The following NXN variants were observed in gnomAD, a reference collection of about 807,000 sequenced individuals.
The protein encoded by NXN is nucleoredoxin, also known as nucleoredoxin 1.
A neutral mutation model predicts 48.6 loss-of-function variants in NXN; 16 were observed. The observed-to-expected ratio is 0.33, with a 90% CI of 0.22 to 0.50. The LOEUF (loss-of-function observed/expected upper bound fraction) is 0.50, where lower values mean the gene tolerates loss of function less well. NXN is among the 20% of genes least tolerant of loss of function. The probability of loss-of-function intolerance (pLI) is 0.98; values close to 1 mark genes in which losing one functional copy is unlikely to be tolerated. For missense variants in NXN, 492 were observed against 605.5 expected, an observed-to-expected ratio of 0.81 and a Z score of 1.97; for synonymous variants, 281 against 269.6, an observed-to-expected ratio of 1.04 and a Z score of -0.41.
chr17:939,308 G>C (rs2068943038), intron 1 of NXN, among the ~76,000 whole-genome samples: 1 of 150,574 alleles, frequency 6.6e-6, no homozygotes. Context: ...TAGACAGATA[G>C]ATACAGCAAA....
intron 5 of NXN, among the ~76,000 whole-genome samples, chr17:812,835 T>C (rs919465338): frequency 1.3e-5 from 2 of 150,304 alleles, no homozygotes; most frequent in African/African-American, 2.5e-5. Flanking sequence ...TGTGCATGTG[T>C]GAGTGTAGGT....
intron 1 of NXN, among the ~76,000 whole-genome samples, chr17:874,775 G>C (rs1367220254): frequency 1.3e-5 from 2 of 152,054 alleles, no homozygotes; most frequent in Non-Finnish European, 2.9e-5. Flanking sequence ...ACAGCAATGG[G>C]AGAACAGACT....
At chr17:838,896 C>T (rs1017870962) in intron 1 of NXN, among the ~76,000 whole-genome samples, 2 of 152,160 alleles carry the variant, frequency 1.3e-5, no homozygotes, top group African/African-American at 2.4e-5. Context: ...AATCTTCAGT[C>T]GATACCTGTG....
chr17:934,818 G>A (rs971473198), intron 1 of NXN, among the ~76,000 whole-genome samples: 2 of 151,960 alleles, frequency 1.3e-5, no homozygotes, highest in Non-Finnish European at 2.9e-5. Flanking sequence ...AGGGTGCAGT[G>A]AGCCGAGATC....
chr17:931,666 C>T (rs1179164323), intron 1 of NXN, among the ~76,000 whole-genome samples: 1 of 149,404 alleles, frequency 6.7e-6, no homozygotes, highest in Non-Finnish European at 1.5e-5. Flanking sequence ...GAAACCCTGT[C>T]TCTGCTAAAA....
intron 1 of NXN, among the ~76,000 whole-genome samples, chr17:918,707 C>T (rs897487326): frequency 1.3e-5 from 2 of 149,612 alleles, no homozygotes; most frequent in Non-Finnish European, 1.5e-5. Context: ...GCACGAGAAT[C>T]GCTTGCACCC....
intron 1 of NXN, among the ~76,000 whole-genome samples, chr17:927,052 G>T (rs1223233467): frequency 2.0e-5 from 3 of 151,732 alleles, no homozygotes; most frequent in Non-Finnish European, 4.4e-5. Context: ...GGTGGCTCAC[G>T]CCTGTCATCC....
Position 830,528 on chromosome 17 carries a change from G to T in NXN, c.361-4450C>A, listed in dbSNP as rs1193014650. ...GGCACGCCGCGGGAGGCCACCTGAG[G>T]CCCAAGAGCCCGTGTGGAGGCTGAC... is the stretch of plus-strand genomic sequence containing the variant. On this transcript the variant is annotated intron_variant, in intron 1 of 7. Coordinates refer to ENST00000336868, the MANE Select transcript of NXN (RefSeq NM_022463.5). The surrounding 1 kb of genome is among the most constrained non-coding windows in gnomAD (Gnocchi z 4.2). Among the ~76,000 whole-genome samples, 1 of 152,114 alleles carries T rather than the reference G, an allele frequency of 6.6e-6. No individual in the cohort carries two copies. Among genetic ancestry groups the T allele is most frequent in the African/African-American group, 2.4e-5 (1 of 41,404 alleles).
rs984624535 is a variant in NXN at position 919,612 on chromosome 17, C to T, written c.360+59707G>A. 6.6e-6 allele frequency among the ~76,000 whole-genome samples: 1 copy of T among 152,076 alleles called. No homozygotes were observed. The highest frequency in any genetic ancestry group is 1.5e-5 in the Non-Finnish European group (1 of 68,018). ...AGAACCTACGTCGTCCTCGGAATCC[C>T]CGCATTCGTCCCACGCGGCCCTCAG... is the stretch of plus-strand genomic sequence containing the variant. On this transcript the variant is annotated intron_variant, in intron 1 of 7. Transcript: ENST00000336868. The surrounding 1 kb of genome is among the most constrained non-coding windows in gnomAD (Gnocchi z 5.1).
chr17:961,066 G>A (rs1351262680), intron 1 of NXN, among the ~76,000 whole-genome samples: 1 of 151,788 alleles, frequency 6.6e-6, no homozygotes, highest in East Asian at 2.0e-4. Flanking sequence ...TTACAGCCGT[G>A]AGCCACCGTG....
At chr17:943,174 T>C (rs2068999463) in intron 1 of NXN, among the ~76,000 whole-genome samples, 2 of 152,354 alleles carry the variant, frequency 1.3e-5, no homozygotes, top group South Asian at 2.1e-4. Context: ...TGTTAGCCCC[T>C]GCGCAGGCAT....
At chr17:879,352 C>T (rs963728716) in intron 1 of NXN, among the ~76,000 whole-genome samples, 3 of 149,704 alleles carry the variant, frequency 2.0e-5, no homozygotes, top group East Asian at 2.0e-4. Context: ...TGCAGTGGCA[C>T]GATCTCAGCT....
rs2069483128 is a variant in NXN, at chr17:978,120, A to G, written c.360+1199T>C. On this transcript the variant is annotated intron_variant, in intron 1 of 7. Coordinates refer to ENST00000336868, the MANE Select transcript of NXN (RefSeq NM_022463.5). This position sits in a 1 kb window ranked among gnomAD's most constrained non-coding sequence, Gnocchi z 4.1. Reference sequence around the variant, plus strand: ...TGCTTCTCAACAAGATTCTGCACATATAAAAGGAACACGTGGCACGCCTCG... The same window carrying G: ...TGCTTCTCAACAAGATTCTGCACATGTAAAAGGAACACGTGGCACGCCTCG... 6.6e-6 allele frequency among the ~76,000 whole-genome samples: 1 copy of G among 152,184 alleles called. No individual in the cohort carries two copies. The highest frequency in any genetic ancestry group is 1.5e-5 in the Non-Finnish European group (1 of 68,028).
chr17:944,305 G>C (rs1183666394), intron 1 of NXN, among the ~76,000 whole-genome samples: 1 of 152,088 alleles, frequency 6.6e-6, no homozygotes, highest in Admixed American at 6.6e-5. Context: ...CATAATGAGA[G>C]CTTCCAATCC....
At chr17:972,935 G>A (rs771467668) in intron 1 of NXN, among the ~76,000 whole-genome samples, 1 of 152,006 alleles carries the variant, frequency 6.6e-6, no homozygotes, top group Non-Finnish European at 1.5e-5. Flanking sequence ...GGAGGCTGAG[G>A]CAGGAGAATG....
chr17:826,444 G>A (rs1913108510), intron 1 of NXN, among the ~76,000 whole-genome samples: 1 of 152,178 alleles, frequency 6.6e-6, no homozygotes, highest in South Asian at 2.1e-4. Context: ...TCATCCTGGA[G>A]AGTACTACCC....
At chr17:897,423 C>T (rs2068498282) in intron 1 of NXN, among the ~76,000 whole-genome samples, 3 of 152,306 alleles carry the variant, frequency 2.0e-5, no homozygotes, top group South Asian at 2.1e-4. Flanking sequence ...CTTGAAAGCA[C>T]GTTCTAGGGT....
chr17:944,090 T>C (rs1391417690), intron 1 of NXN, among the ~76,000 whole-genome samples: 1 of 151,074 alleles, frequency 6.6e-6, no homozygotes, highest in Non-Finnish European at 1.5e-5. Context: ...ATACAAAATA[T>C]TAGCTGGGTG....
intron 1 of NXN, among the ~76,000 whole-genome samples, chr17:925,121 G>A (rs2068786355): frequency 6.6e-6 from 1 of 152,110 alleles, no homozygotes; most frequent in African/African-American, 2.4e-5. Context: ...CTCAGGCTTT[G>A]GTGTCTCGCA....
Sources: gnomAD v4.1 joint callset for allele counts (sites outside exome capture counted in the v4.1 genomes callset) on GRCh38, gnomAD v4.1.1 for gene constraint, Gnocchi (gnomAD v3.1) non-coding constraint, MANE v1.5 for transcripts, NCBI Gene and HGNC (gene_info 2026-07-23, HGNC 2026-07-21) for gene names.